The following GGT5 variants were observed in gnomAD, a reference collection of about 807,000 sequenced individuals.
GGT5 encodes the protein gamma-glutamyltransferase 5.
In GGT5, 50 loss-of-function variants were observed where a neutral mutation model predicts 58.1. That is an observed-to-expected ratio of 0.86 (90% confidence interval 0.69 to 1.09). The LOEUF (loss-of-function observed/expected upper bound fraction) is 1.09. GGT5 is among the 50% of genes least tolerant of loss of function. The pLI, the probability that GGT5 is intolerant of heterozygous loss-of-function variation, is 0.00. For missense variants in GGT5, 800 were observed against 789.4 expected, an observed-to-expected ratio of 1.01 and a Z score of -0.16; for synonymous variants, 370 against 346.1, an observed-to-expected ratio of 1.07 and a Z score of -0.77.
At chr22:24,232,757 G>T in intron 4 of GGT5, 66 bp downstream of exon 4, 1 of 1,139,972 alleles carries the variant, frequency 8.8e-7, no homozygotes, top group South Asian at 1.8e-5. Flanking sequence ...GAGCTGGGGT[G>T]TGGACTGGGC....
At chr22:24,228,853 G>A (rs2047854928) in intron 6 of GGT5, among the ~76,000 whole-genome samples, 1 of 152,010 alleles carries the variant, frequency 6.6e-6, no homozygotes, top group Admixed American at 6.6e-5. Context: ...AACACTTTGG[G>A]AGGCCGAGGC....
intron 3 of GGT5, 104 bp downstream of exon 3, chr22:24,233,394 A>T: frequency 1.5e-6 from 1 of 658,772 alleles, no homozygotes; most frequent in South Asian, 2.0e-5. Context: ...CCCCCGTGCC[A>T]GGGAGTCACA....
Position 24,226,381 on chromosome 22 carries a change from G to C in GGT5, c.1039-115C>G. The C allele has an allele frequency of 8.2e-6, 7 of 853,448 alleles. No homozygotes were observed. The South Asian group carries it at 1.2e-4, about 15-fold the overall frequency. 52.9% of individuals were successfully genotyped at this position (853,448 alleles called of 1,614,324 possible). ...CCACCTCCAGTCTGTCCTCTACCTT[G>C]TGGCCAGGTCTCCCTCAAGCCCAGC... On this transcript the variant is annotated intron_variant, in intron 7 of 11. Transcript: ENST00000327365.
chr22:24,219,919 G>A lies in GGT5; in HGVS notation c.*51C>T. 1 of 1,588,534 alleles carries A rather than the reference G, an allele frequency of 6.3e-7. No homozygotes were observed. The highest frequency in any genetic ancestry group is 8.6e-7 in the Non-Finnish European group (1 of 1,159,078). ...TGGTCCCCCAGCCATGTCCGGCCTG[G>A]ACACAGGACTCATGGTGGGGCCAGA... On this transcript the variant is annotated 3_prime_UTR_variant, in exon 12 of 12. Transcript: ENST00000327365.
In GGT5 at chr22:24,232,220, G is replaced by A. The variant is rs1449951679; in HGVS notation, c.597-12C>T. On this transcript the variant is annotated splice_polypyrimidine_tract_variant and intron_variant, in intron 4 of 11. Transcript: ENST00000327365. Reference sequence around the variant, plus strand: ...TGAAGAAGAGCTGGCTGGGGGGTGGGGGGAGCCTCAGGGTGGGGCCAGGTC... The same window carrying A: ...TGAAGAAGAGCTGGCTGGGGGGTGGAGGGAGCCTCAGGGTGGGGCCAGGTC... 1.4e-6 allele frequency: 2 copies of A among 1,442,790 alleles called. No individual in the cohort carries two copies. Among genetic ancestry groups the A allele is most frequent in the Non-Finnish European group, 1.9e-6 (2 of 1,072,372 alleles). 89.4% of individuals were successfully genotyped at this position (1,442,790 alleles called of 1,614,324 possible). A position where few individuals can be genotyped will look rare whatever the true frequency, so the allele number is the denominator to read the frequency against.
At chr22:24,229,344 T>C (rs1230862455) in intron 6 of GGT5, among the ~76,000 whole-genome samples, 3 of 150,514 alleles carry the variant, frequency 2.0e-5, no homozygotes, top group Non-Finnish European at 3.0e-5. Flanking sequence ...GAGGCAGAGT[T>C]TGTAGTGAAC....
chr22:24,225,747 C>A (rs916070531), intron 8 of GGT5, 95 bp from the exon 9 acceptor site: 7 of 787,158 alleles, frequency 8.9e-6, no homozygotes, highest in Admixed American at 2.0e-5. Context: ...CCTCGTTTTA[C>A]AGCTGCCCCG....
intron 11 of GGT5, 80 bp downstream of exon 11, chr22:24,224,916 T>C: frequency 1.1e-6 from 1 of 880,358 alleles, no homozygotes; most frequent in Non-Finnish European, 1.8e-6. Context: ...AGTGACTGAG[T>C]TCCTCCCAGG....
intron 1 of GGT5, among the ~76,000 whole-genome samples, chr22:24,239,271 A>G (rs1339959147): frequency 8.6e-5 from 13 of 151,596 alleles, no homozygotes; most frequent in East Asian, 2.0e-4. Flanking sequence ...CCCAGGAGGC[A>G]GAGCTTGCAG....
chr22:24,240,197 A>G (rs1185305004), intron 1 of GGT5, among the ~76,000 whole-genome samples: 9 of 152,342 alleles, frequency 5.9e-5, no homozygotes, highest in Middle Eastern at 3.4e-3. Flanking sequence ...TTTTAAAATA[A>G]CCCCAAGACT....
chr22:24,243,167 G>T (rs1293461161), intron 1 of GGT5: 3 of 152,192 alleles, frequency 2.0e-5, no homozygotes, highest in East Asian at 1.9e-4. Context: ...TCTGGTGCCT[G>T]AGACTCCAGT....
In GGT5 at chr22:24,233,547, G is replaced by A. The variant is rs747424500; in HGVS notation, c.351C>T (p.His117=). The A allele has an allele frequency of 8.5e-5, 136 of 1,609,360 alleles. 1 individual carries two copies. In the Middle Eastern group the frequency reaches 1.1e-3, roughly 13 times the overall value. Residue 117 remains histidine, a synonymous_variant, in exon 3 of 12, where the codon CAC becomes CAT. Coordinates refer to ENST00000327365, the MANE Select transcript of GGT5 (RefSeq NM_004121.5). The part of the protein sequence containing the change: ...INARETVPAS[H]APSLLDQCAQ... ...CACACTGGTCCAGCAGGCTCGGGGCGTGGCTGGCCGGCACCGTCTCCCGGG... is the reference window on the plus strand; with the variant it reads ...CACACTGGTCCAGCAGGCTCGGGGCATGGCTGGCCGGCACCGTCTCCCGGG...
intron 8 of GGT5, 100 bp downstream of exon 8, chr22:24,225,976 T>C (rs1686094069): frequency 1.2e-6 from 1 of 819,930 alleles, no homozygotes; most frequent in Admixed American, 2.9e-5. Flanking sequence ...AAAAGCAAGG[T>C]GCTGCCCCGT....
At position 24,225,405 on chromosome 22, in the gene GGT5, C is replaced by T. The variant is rs903249652; in HGVS notation, c.1343G>A (p.Gly448Glu). 7 of 1,605,884 alleles carry T rather than the reference C, an allele frequency of 4.4e-6. No individual in the cohort carries two copies. The highest frequency in any genetic ancestry group is 6.0e-6 in the Non-Finnish European group (7 of 1,175,092). ...GSGTTPSPVSGDRVGGAPGRC... is the reference protein window; with the variant it reads ...GSGTTPSPVSEDRVGGAPGRC... ...TCCGGGAGCTCCACCCACCCTGTCT[C>T]CACTCACTGCTGAGCAAACAGCGTC... Residue 448 changes from glycine to glutamate, a missense_variant, in exon 10 of 12, where the codon GGA becomes GAA. By Grantham distance (98) the Gly-to-Glu change is moderately conservative (BLOSUM62 -2). Transcript: ENST00000327365.
At chr22:24,237,007 C>CTTTTTTTTTTTTTTTTTCT (rs35060391) in intron 1 of GGT5, among the ~76,000 whole-genome samples, 2 of 131,114 alleles carry the variant, frequency 1.5e-5, no homozygotes, top group Non-Finnish European at 3.2e-5. Context: ...TCTTTTCTCT[C>CTTTTTTTTTTTTTTTTTCT]TTTTTTTTTT....
chr22:24,238,882 T>A (rs1440027434), intron 1 of GGT5, among the ~76,000 whole-genome samples: 1 of 9,608 alleles, frequency 1.0e-4, no homozygotes, highest in African/African-American at 6.9e-4. Flanking sequence ...ATAATATATA[T>A]TATATATTTT....
At chr22:24,234,976 C>A (rs1004716518) in intron 1 of GGT5, among the ~76,000 whole-genome samples, 4 of 151,638 alleles carry the variant, frequency 2.6e-5, no homozygotes, top group Non-Finnish European at 5.9e-5. Flanking sequence ...GGGCACAGGC[C>A]TGCACAGCTC....
At chr22:24,222,935 A>G (rs56232530) in intron 11 of GGT5, among the ~76,000 whole-genome samples, 5,471 of 151,960 alleles carry the variant, frequency 0.036, 308 homozygotes, top group African/African-American at 0.12. Context: ...AAATTAGCCG[A>G]GCGTGGTGGT....
At chr22:24,225,198 T>G (rs745618291) in intron 10 of GGT5, 47 bp downstream of exon 10, 1 of 1,599,244 alleles carries the variant, frequency 6.3e-7, no homozygotes, top group Non-Finnish European at 8.6e-7. Flanking sequence ...AGTCAGACAG[T>G]ATGCTGCCCA....
Sources: gnomAD v4.1 joint callset for allele counts (sites outside exome capture counted in the v4.1 genomes callset) on GRCh38, gnomAD v4.1.1 for gene constraint, MANE v1.5 for transcripts, NCBI Gene and HGNC (gene_info 2026-07-23, HGNC 2026-07-21) for gene names.